ADCY10: variants seen among roughly 807,000 people sequenced by gnomAD.
ADCY10 encodes the protein adenylate cyclase type 10.
ADCY10 carries 156 observed loss-of-function variants against 183.3 expected under a neutral mutation model. The ratio of observed to expected loss-of-function variants is 0.85; its 90% CI spans 0.75 to 0.97. ADCY10 has a LOEUF of 0.97. Ranked by LOEUF, ADCY10 falls within the 50% of genes least tolerant of loss-of-function variation. ADCY10 has a pLI of 0.00. For synonymous variants in ADCY10, 645 were observed against 670.0 expected (o/e 0.96, Z 0.58); for missense variants, 1,745 against 1,934.3 (o/e 0.90, Z 1.84).
Position 167,880,543 on chromosome 1 carries a change from G to C in ADCY10, c.1087C>G (p.Leu363Val). 6.2e-7 allele frequency: 1 copy of C among 1,614,166 alleles called. No individual in the cohort carries two copies. Among genetic ancestry groups the C allele is most frequent in the East Asian group, 2.2e-5 (1 of 44,876 alleles). ...EKVPDELTHA[L>V]ECAMDIFDFC... ...TCAAATATATCCATAGCACATTCCAGAGCATGAGTGAGCTCGTCAGGTACC... is the reference window on the plus strand; with the variant it reads ...TCAAATATATCCATAGCACATTCCACAGCATGAGTGAGCTCGTCAGGTACC... Residue 363 changes from leucine to valine, a missense_variant, in exon 10 of 33, where the codon CTG becomes GTG. Coordinates refer to ENST00000367851, the MANE Select transcript of ADCY10 (RefSeq NM_018417.6).
intron 21 of ADCY10, among the ~76,000 whole-genome samples, chr1:167,844,938 A>G (rs1395667412): frequency 6.6e-6 from 1 of 152,026 alleles, no homozygotes; most frequent in East Asian, 1.9e-4. Context: ...TGTGTCTGAC[A>G]CCCATCATGC....
intron 17 of ADCY10, among the ~76,000 whole-genome samples, chr1:167,855,723 T>C (rs1665841992): frequency 6.6e-6 from 1 of 152,020 alleles, no homozygotes; most frequent in Admixed American, 6.6e-5. Context: ...CTTCAAAAGG[T>C]GGACCAGACC....
At chr1:167,878,377 C>T in intron 12 of ADCY10, 69 bp downstream of exon 12, 10 of 1,544,336 alleles carry the variant, frequency 6.5e-6, no homozygotes, top group Non-Finnish European at 8.9e-6. Context: ...AAATGGGTGA[C>T]TGCTTTGCTA....
At chr1:167,821,602 G>A (rs1015654910) in intron 30 of ADCY10, among the ~76,000 whole-genome samples, 3 of 152,178 alleles carry the variant, frequency 2.0e-5, no homozygotes, top group African/African-American at 7.2e-5. Context: ...TCAATATTAC[G>A]AAGCCCGCTT....
chr1:167,891,923 A>G (rs1438266118), intron 8 of ADCY10, among the ~76,000 whole-genome samples: 3 of 151,860 alleles, frequency 2.0e-5, no homozygotes, highest in African/African-American at 4.8e-5. Context: ...TATTCTTTTT[A>G]TAAAAGAGAT....
Position 167,846,315 on chromosome 1 carries a change from TA to T in ADCY10, c.2438-53del, listed in dbSNP as rs752569058. ...AAACTAGTTATTTATCTTTATCTAA[TA>T]TGCTGTATTTAATATAGAGCAGGTG... On this transcript the variant is annotated intron_variant, in intron 19 of 32. Transcript: ENST00000367851. The T allele has an allele frequency of 4.4e-6, 7 of 1,603,638 alleles. No homozygotes were observed. In the East Asian group the frequency reaches 1.3e-4, roughly 31 times the overall value.
chr1:167,911,662 T>A (rs551367961), intron 1 of ADCY10, among the ~76,000 whole-genome samples: 1 of 152,210 alleles, frequency 6.6e-6, no homozygotes, highest in South Asian at 2.1e-4. Flanking sequence ...CAGTGTACTC[T>A]CGTGGCAAAA....
intron 1 of ADCY10, among the ~76,000 whole-genome samples, chr1:167,906,656 G>A (rs534111018): frequency 5.3e-4 from 81 of 151,412 alleles, no homozygotes; most frequent in Admixed American, 9.2e-4. Context: ...GGGTGTGGTG[G>A]CATGCACCTG....
intron 24 of ADCY10, among the ~76,000 whole-genome samples, chr1:167,833,470 G>T (rs1052520630): frequency 6.6e-6 from 1 of 152,216 alleles, no homozygotes; most frequent in Non-Finnish European, 1.5e-5. Flanking sequence ...CCTGGGCCGG[G>T]CACGGTGGCT....
At position 167,837,336 on chromosome 1, in the gene ADCY10, G is replaced by A. The variant is rs747179122; in HGVS notation, c.3008-18C>T. The A allele has an allele frequency of 1.3e-6, 2 of 1,595,048 alleles. No homozygotes were observed. The highest frequency in any genetic ancestry group is 2.2e-5 in the East Asian group (1 of 44,798). On this transcript the variant is annotated intron_variant, in intron 21 of 32. Transcript: ENST00000367851. Reference sequence around the variant, plus strand: ...TTCTTCAGCTAGAAAATAAACAAATGAGTTGTATGGGTCATTGAAATGTTC... The same window carrying A: ...TTCTTCAGCTAGAAAATAAACAAATAAGTTGTATGGGTCATTGAAATGTTC...
chr1:167,840,780 C>G (rs931090243), intron 21 of ADCY10, among the ~76,000 whole-genome samples: 3 of 151,980 alleles, frequency 2.0e-5, no homozygotes, highest in African/African-American at 7.3e-5. Context: ...CCTATAGGTT[C>G]TCAAATGAAA....
rs779092885 is a variant in ADCY10 at position 167,909,063 on chromosome 1, G to C, written c.-58-3865C>G. On this transcript the variant is annotated intron_variant, in intron 1 of 32. Transcript: ENST00000367851. ...GAAGTTTTTCTCATGCCACCTTCAA[G>C]TCACTACCCTTCTCTTTTCCCTGAA... is the stretch of plus-strand genomic sequence containing the variant. 4.7e-4 allele frequency among the ~76,000 whole-genome samples: 71 copies of C among 152,166 alleles called. 1 individual carries two copies. Among genetic ancestry groups the C allele is most frequent in the Admixed American group, 3.5e-3 (53 of 15,270 alleles).
At chr1:167,876,257 C>CAA (rs71301004) in intron 12 of ADCY10, among the ~76,000 whole-genome samples, 18,055 of 84,794 alleles carry the variant, frequency 0.21, 1,513 homozygotes, top group Middle Eastern at 0.33. Flanking sequence ...AGCTCCATCT[C>CAA]AAAAAAAAAA....
rs774529910 is a variant in ADCY10 at position 167,818,232 on chromosome 1, T to C, written c.4322A>G (p.Lys1441Arg). The change falls in exon 31 of 33, where the codon AAA becomes AGA. Residue 1441 changes from lysine (K) to arginine (R), a missense_variant. By Grantham distance (26) the Lys-to-Arg change is conservative. Coordinates refer to ENST00000367851, the MANE Select transcript of ADCY10 (RefSeq NM_018417.6). Reference sequence around the variant, plus strand: ...AAGATTTTTAGCTCTATTGGAAAATTTGTAAAAGTTGTCCCATTCCTGAAG... The same window carrying C: ...AAGATTTTTAGCTCTATTGGAAAATCTGTAAAAGTTGTCCCATTCCTGAAG... The part of the protein sequence containing the change: ...ARLQEWDNFY[K>R]FSNRAKNLLP... The C allele has an allele frequency of 4.8e-5, 77 of 1,614,070 alleles. No homozygotes were observed. The highest frequency in any genetic ancestry group is 6.1e-5 in the Non-Finnish European group (72 of 1,180,044).
rs760323146 is a variant in ADCY10 at position 167,822,158 on chromosome 1, T to G, written c.4169-17A>C. 22 of 1,451,590 alleles carry G rather than the reference T, an allele frequency of 1.5e-5. No individual in the cohort carries two copies. The highest frequency in any genetic ancestry group is 2.1e-5 in the Non-Finnish European group (22 of 1,031,900). The allele number at this position is 1,451,590 out of a possible 1,614,324, so 89.9% of individuals were successfully genotyped here. On this transcript the variant is annotated splice_polypyrimidine_tract_variant and intron_variant, in intron 29 of 32. Coordinates refer to ENST00000367851, the MANE Select transcript of ADCY10 (RefSeq NM_018417.6). Reference sequence around the variant, plus strand: ...AAACAAAACCTAAGAGAGAGAGGAATGGGTGAGAGTTATTAGTAGGTGTGG... The same window carrying G: ...AAACAAAACCTAAGAGAGAGAGGAAGGGGTGAGAGTTATTAGTAGGTGTGG...
At chr1:167,871,900 A>C (rs1667128128) in intron 13 of ADCY10, among the ~76,000 whole-genome samples, 1 of 152,246 alleles carries the variant, frequency 6.6e-6, no homozygotes, top group Non-Finnish European at 1.5e-5. Flanking sequence ...AATGAAGCTC[A>C]CATAGGAACT....
At chr1:167,881,336 G>A (rs188958372) in intron 9 of ADCY10, among the ~76,000 whole-genome samples, 2 of 152,306 alleles carry the variant, frequency 1.3e-5, no homozygotes, top group Admixed American at 6.5e-5. Context: ...AATAAAGGGT[G>A]ATGGGTTGAA....
chr1:167,845,807 G>T lies in ADCY10; in HGVS notation c.2763C>A (p.Ile921=), dbSNP rs775888245. Residue 921 remains isoleucine (I), a synonymous_variant, in exon 21 of 33, where the codon ATC becomes ATA. Coordinates refer to ENST00000367851, the MANE Select transcript of ADCY10 (RefSeq NM_018417.6). The stretch of plus-strand genomic sequence containing the variant: ...TACAGAATCGAATCCTGTGGCACTC[G>T]ATCACCTCATTCTCCAGTTCACGAA... ...EQLRELENEV[I]ECHRIRFCNP... is the part of the protein sequence containing the mutation. 3.1e-6 allele frequency: 5 copies of T among 1,614,098 alleles called. No individual in the cohort carries two copies. Among genetic ancestry groups the T allele is most frequent in the South Asian group, 1.1e-5 (1 of 91,064 alleles).
Position 167,822,273 on chromosome 1 carries a change from C to T in ADCY10, c.4169-132G>A, listed in dbSNP as rs140672503. On this transcript the variant is annotated intron_variant, in intron 29 of 32. Transcript: ENST00000367851. ...ATTATTGTATGAATCCAGAGGGTCCCGTGGATTGCAACAACCTCATGACTG... is the reference window on the plus strand; with the variant it reads ...ATTATTGTATGAATCCAGAGGGTCCTGTGGATTGCAACAACCTCATGACTG... 508 of 757,046 alleles carry T rather than the reference C, an allele frequency of 6.7e-4. 1 individual carries two copies. Among genetic ancestry groups the T allele is most frequent in the Non-Finnish European group, 9.2e-4 (382 of 417,424 alleles). 46.9% of individuals were successfully genotyped at this position (757,046 alleles called of 1,614,324 possible).
Sources: gnomAD v4.1 joint callset for allele counts (sites outside exome capture counted in the v4.1 genomes callset) on GRCh38, gnomAD v4.1.1 for gene constraint, MANE v1.5 for transcripts, NCBI Gene and HGNC (gene_info 2026-07-23, HGNC 2026-07-21) for gene names.